ACSL4: variants seen among roughly 807,000 people sequenced by gnomAD.
ACSL4 encodes the protein acyl-CoA synthetase long chain family member 4.
ACSL4 carries 9 observed loss-of-function variants against 49.1 expected under a neutral mutation model. The observed-to-expected ratio is 0.18, with a 90% CI of 0.11 to 0.32. The LOEUF is 0.32. ACSL4 is among the 10% of genes least tolerant of loss of function. ACSL4 has a pLI of 1.00. For synonymous variants in ACSL4, 191 were observed against 170.3 expected (o/e 1.12, Z -0.95); for missense variants, 333 against 493.7 (o/e 0.67, Z 3.08).
chrX:109,714,983 G>C (rs1452574505), intron 1 of ACSL4, among the ~76,000 whole-genome samples: 3 of 112,086 alleles, frequency 2.7e-5, no homozygotes, highest in African/African-American at 6.5e-5. Context: ...AGTGGCTCAT[G>C]CCTCTAATCC....
chrX:109,686,833 G>A (rs1203754379), intron 2 of ACSL4, among the ~76,000 whole-genome samples: 1 of 110,527 alleles, frequency 9.0e-6, no homozygotes, highest in Non-Finnish European at 1.9e-5. Flanking sequence ...GAACATTCAG[G>A]TGAGAAGAAA....
Position 109,688,324 on chromosome X carries a change from C to T in ACSL4, c.-12-4949G>A, listed in dbSNP as rs755010457. 1.0e-3 allele frequency among the ~76,000 whole-genome samples: 113 copies of T among 111,761 alleles called. 1 individual carries two copies. Among genetic ancestry groups the T allele is most frequent in the African/African-American group, 3.6e-3 (110 of 30,810 alleles). On this transcript the variant is annotated intron_variant, in intron 2 of 15. Transcript: ENST00000672401. ...GGCCAACCCCTTCATTTATGCATTA[C>T]ACCCTGTCTTTATAAGGACACGGAA... is the stretch of plus-strand genomic sequence containing the variant.
chrX:109,647,796 AAG>A (rs1210704786), intron 15 of ACSL4, among the ~76,000 whole-genome samples: 1 of 111,249 alleles, frequency 9.0e-6, no homozygotes. Context: ...TAAAGAAAAA[AAG>A]AGAGAAGAAT....
intron 1 of ACSL4, among the ~76,000 whole-genome samples, chrX:109,710,020 G>A (rs998449891): frequency 4.5e-5 from 5 of 111,664 alleles, no homozygotes; most frequent in African/African-American, 6.5e-5. Flanking sequence ...CAGGAGAATC[G>A]CTTGAACCCG....
intron 1 of ACSL4, among the ~76,000 whole-genome samples, chrX:109,722,569 ACAT>A (rs1041140268): frequency 1.8e-5 from 2 of 112,094 alleles, no homozygotes; most frequent in Non-Finnish European, 3.8e-5. Flanking sequence ...TTGCACTTTT[ACAT>A]CATCATTGAT....
chrX:109,715,644 T>TAGAG lies in ACSL4; in HGVS notation c.-66+17494_-66+17495insCTCT, dbSNP rs1262386950. 1.2e-4 allele frequency among the ~76,000 whole-genome samples: 13 copies of TAGAG among 110,011 alleles called. 3 individuals carry two copies. The highest frequency in any genetic ancestry group is 1.1e-3 in the South Asian group (3 of 2,630). On this transcript the variant is annotated intron_variant, in intron 1 of 15. Coordinates refer to ENST00000672401, the MANE Select transcript of ACSL4 (RefSeq NM_001318510.2). ...TCAAAAAAATAAAATTATATATATATATAGAGAGAGATCAAAACAATAAAT... is the reference window on the plus strand; with the variant it reads ...TCAAAAAAATAAAATTATATATATATAGAGATAGAGAGAGATCAAAACAATAAAT...
intron 1 of ACSL4, among the ~76,000 whole-genome samples, chrX:109,721,467 C>T (rs1927544083): frequency 8.9e-6 from 1 of 112,214 alleles, no homozygotes; most frequent in South Asian, 3.6e-4. Flanking sequence ...CGTGGTGGCT[C>T]ATGCCTATAA....
chrX:109,687,058 T>C (rs1569430792), intron 2 of ACSL4, among the ~76,000 whole-genome samples: 1 of 111,863 alleles, frequency 8.9e-6, no homozygotes, highest in African/African-American at 3.3e-5. Flanking sequence ...ACCACTGATA[T>C]TGTCTGAGCC....
Position 109,665,452 on chromosome X carries a change from C to T in ACSL4, c.1358G>A (p.Cys453Tyr). 8.3e-7 allele frequency: 1 copy of T among 1,210,435 alleles called. No homozygotes were observed. Among genetic ancestry groups the T allele is most frequent in the Non-Finnish European group, 1.1e-6 (1 of 894,560 alleles). ...CCAGTCTTTTAGCTTAATTTCACAG[C>T]AAATAAGAGGTGCTCCAACTCTGCC... ...TTGRVGAPLI[C>Y]CEIKLKDWQE... The change falls in exon 12 of 16, where the codon TGC (cysteine) becomes TAC (tyrosine). Residue 453 changes from cysteine to tyrosine, a missense_variant. Coordinates refer to ENST00000672401, the MANE Select transcript of ACSL4 (RefSeq NM_001318510.2).
At chrX:109,721,386 T>C (rs1305915591) in intron 1 of ACSL4, among the ~76,000 whole-genome samples, 2 of 112,118 alleles carry the variant, frequency 1.8e-5, no homozygotes, top group East Asian at 5.5e-4. Flanking sequence ...TCATTATTTA[T>C]AGTATTAAAA....
At chrX:109,644,631 G>C (rs1374817819) in intron 15 of ACSL4, among the ~76,000 whole-genome samples, 1 of 112,180 alleles carries the variant, frequency 8.9e-6, no homozygotes, top group Non-Finnish European at 1.9e-5. Context: ...CACCACCCCG[G>C]AGAGGACATC....
At chrX:109,700,771 ACGGTGGCTCATGC>A (rs1925854275) in intron 1 of ACSL4, among the ~76,000 whole-genome samples, 1 of 111,245 alleles carries the variant, frequency 9.0e-6, no homozygotes, top group African/African-American at 3.3e-5. Context: ...AGGGCTGGGC[ACGGTGGCTCATGC>A]CTATAATCCC....
intron 1 of ACSL4, among the ~76,000 whole-genome samples, chrX:109,722,689 C>CT (rs758474221): frequency 3.9e-4 from 40 of 101,986 alleles, no homozygotes; most frequent in East Asian, 6.0e-4. Context: ...GTGACCATGA[C>CT]TTTTTTTTTT....
chrX:109,674,694 C>A (rs918184383), intron 8 of ACSL4, among the ~76,000 whole-genome samples: 4 of 112,011 alleles, frequency 3.6e-5, no homozygotes, highest in Non-Finnish European at 7.5e-5. Flanking sequence ...AGAGGAGAAA[C>A]CTTGATCCAG....
Position 109,657,862 on chromosome X carries a change from T to C in ACSL4, c.1855+1492A>G, listed in dbSNP as rs751276820. Among the ~76,000 whole-genome samples, 383 of 111,533 alleles carry C rather than the reference T, an allele frequency of 3.4e-3. 9 individuals carry two copies. The highest frequency in any genetic ancestry group is 0.012 in the African/African-American group (352 of 30,496). ...GTGTAAAAGTGTTCCTATTTCTCCATATCCTCTCCAGCACCTGTTGTTCCC... is the reference window on the plus strand; with the variant it reads ...GTGTAAAAGTGTTCCTATTTCTCCACATCCTCTCCAGCACCTGTTGTTCCC... On this transcript the variant is annotated intron_variant, in intron 15 of 15. Coordinates refer to ENST00000672401, the MANE Select transcript of ACSL4 (RefSeq NM_001318510.2).
At chrX:109,693,378 G>C (rs2147473414) in intron 2 of ACSL4, among the ~76,000 whole-genome samples, 1 of 111,923 alleles carries the variant, frequency 8.9e-6, no homozygotes, top group African/African-American at 3.2e-5. Flanking sequence ...TGGCCATATA[G>C]TCAATGCTCA....
At chrX:109,661,990 G>GA (rs1329898687) in intron 13 of ACSL4, among the ~76,000 whole-genome samples, 1 of 110,967 alleles carries the variant, frequency 9.0e-6, no homozygotes, top group Non-Finnish European at 1.9e-5. Context: ...CATTCTATCT[G>GA]AATGGTAACT....
chrX:109,648,310 A>G (rs908722358), intron 15 of ACSL4, among the ~76,000 whole-genome samples: 7 of 111,684 alleles, frequency 6.3e-5, no homozygotes, highest in African/African-American at 2.3e-4. Context: ...GCAGCATATC[A>G]AAAAGCTTAT....
rs1278087781 is a variant in ACSL4, at chrX:109,644,158, G to A, written c.1884C>T (p.Ile628=). The change falls in exon 16 of 16, where the codon ATC becomes ATT. Residue 628 remains isoleucine, a synonymous_variant. Transcript: ENST00000672401. ...AMKLERFEIP[I]KVRLSPEPWT... Reference sequence around the variant, plus strand: ...ATGGCTCTGGGCTTAATCGAACCTTGATTGGAATTTCAAATCGCTCCAATT... The same window carrying A: ...ATGGCTCTGGGCTTAATCGAACCTTAATTGGAATTTCAAATCGCTCCAATT... The A allele has an allele frequency of 4.1e-6, 5 of 1,205,674 alleles. No homozygotes were observed. The Admixed American group carries it at 1.1e-4, about 27-fold the overall frequency.
Sources: allele counts gnomAD v4.1 joint callset (sites outside exome capture counted in the v4.1 genomes callset), GRCh38; gene constraint gnomAD v4.1.1; transcripts MANE v1.5; gene names NCBI Gene and HGNC (gene_info 2026-07-23, HGNC 2026-07-21).